The following KDM7A variants were observed in gnomAD, a reference collection of about 807,000 sequenced individuals.
KDM7A encodes lysine demethylase 7A, also known as lysine-specific demethylase 7A.
KDM7A carries 28 observed loss-of-function variants against 114.8 expected under a neutral mutation model. That is an observed-to-expected ratio of 0.24 (90% confidence interval 0.18 to 0.33). The LOEUF (loss-of-function observed/expected upper bound fraction) is 0.33, where lower values mean the gene tolerates loss of function less well. KDM7A is among the 10% of genes least tolerant of loss of function. KDM7A has a pLI of 1.00. For synonymous variants in KDM7A, 423 were observed against 397.8 expected (o/e 1.06, Z -0.75); for missense variants, 942 against 1,142.5 (o/e 0.82, Z 2.53).
Position 140,091,999 on chromosome 7 carries a change from C to T in KDM7A, c.2536G>A (p.Val846Met). The change falls in exon 19 of 20, where the codon GTG (valine) becomes ATG (methionine). Residue 846 changes from valine (V) to methionine (M), a missense_variant. By Grantham distance (21) the Val-to-Met change is conservative. This residue lies in a region of KDM7A where 512 missense variants were observed against 576.6 expected (regional missense o/e 0.89). Transcript: ENST00000397560. The stretch of plus-strand genomic sequence containing the variant: ...TGAAGGCTTGAGCCGCTGCTGTCCA[C>T]ATAATTCCTACTTTGTACCCTCTGA... ...ISQRVQSRNY[V>M]DSSGSSLQNG... The T allele has an allele frequency of 1.2e-6, 2 of 1,614,140 alleles. No homozygotes were observed. The highest frequency in any genetic ancestry group is 1.7e-6 in the Non-Finnish European group (2 of 1,179,994).
intron 1 of KDM7A, among the ~76,000 whole-genome samples, chr7:140,172,640 G>T (rs915672752): frequency 6.6e-6 from 1 of 151,156 alleles, no homozygotes; most frequent in Non-Finnish European, 1.5e-5. Flanking sequence ...GCGACAGAGC[G>T]AAACTCCGTC....
intron 17 of KDM7A, among the ~76,000 whole-genome samples, chr7:140,094,483 C>A (rs1818072225): frequency 6.6e-6 from 1 of 150,702 alleles, no homozygotes; most frequent in African/African-American, 2.4e-5. Context: ...CCAGCCTAGG[C>A]AACAGAGTGA....
intron 7 of KDM7A, 59 bp downstream of exon 7, chr7:140,124,562 A>C (rs530910612): frequency 1.3e-5 from 17 of 1,329,778 alleles, no homozygotes; most frequent in Admixed American, 4.9e-5. Flanking sequence ...GTTCTAGTTA[A>C]AAGCCAACTC....
chr7:140,089,426 TCTTCTTAGCAATTCAAGTGATA>T lies in KDM7A; in HGVS notation c.*1646_*1667del, dbSNP rs1249943803. On this transcript the variant is annotated 3_prime_UTR_variant, in exon 20 of 20. Coordinates refer to ENST00000397560, the MANE Select transcript of KDM7A (RefSeq NM_030647.2). Reference sequence around the variant, plus strand: ...TGAAAGATGATGGTACAGACTTTTTTCTTCTTAGCAATTCAAGTGATACTTAATAGAGAAGGGTAAGTCCTGC... The same window carrying T: ...TGAAAGATGATGGTACAGACTTTTTTCTTAATAGAGAAGGGTAAGTCCTGC... 6.6e-6 allele frequency: 1 copy of T among 152,200 alleles called. No homozygotes were observed. The highest frequency in any genetic ancestry group is 1.5e-5 in the Non-Finnish European group (1 of 68,036). 9.4% of individuals were successfully genotyped at this position (152,200 alleles called of 1,614,324 possible).
At chr7:140,146,010 C>T (rs747374844) in intron 1 of KDM7A, among the ~76,000 whole-genome samples, 33 of 152,266 alleles carry the variant, frequency 2.2e-4, no homozygotes, top group South Asian at 2.1e-4. Context: ...CTAGTGTCTA[C>T]TTGTCATCCC....
intron 1 of KDM7A, among the ~76,000 whole-genome samples, chr7:140,167,144 A>G (rs1318354340): frequency 1.3e-5 from 2 of 152,218 alleles, no homozygotes; most frequent in Non-Finnish European, 2.9e-5. Context: ...CTATTCTCAG[A>G]GAGAAGGACT....
chr7:140,148,955 T>C (rs2116833184), intron 1 of KDM7A, among the ~76,000 whole-genome samples: 1 of 152,326 alleles, frequency 6.6e-6, no homozygotes. Context: ...AAATGCATAC[T>C]CTGAACCAAA....
rs1327987432 is a variant in KDM7A, at chr7:140,086,410, T to C, written c.*4684A>G. On this transcript the variant is annotated 3_prime_UTR_variant, in exon 20 of 20. Coordinates refer to ENST00000397560, the MANE Select transcript of KDM7A (RefSeq NM_030647.2). ...AGTTAAAATGAGGAAAAAAATACTA[T>C]AGAAGAATAAAATCACAGTCACAAC... 6.6e-6 allele frequency: 1 copy of C among 152,166 alleles called. No individual in the cohort carries two copies. The highest frequency in any genetic ancestry group is 1.9e-4 in the East Asian group (1 of 5,200). The allele number at this position is 152,166 out of a possible 1,614,324, so 9.4% of individuals were successfully genotyped here. A position where few individuals can be genotyped will look rare whatever the true frequency, so the allele number is the denominator to read the frequency against.
chr7:140,091,744 CCA>C (rs1818024089), intron 19 of KDM7A, 58 bp downstream of exon 19: 1 of 1,568,964 alleles, frequency 6.4e-7, no homozygotes, highest in African/African-American at 1.4e-5. Context: ...ACCTCAACTG[CCA>C]TGATGACCAT....
intron 1 of KDM7A, among the ~76,000 whole-genome samples, chr7:140,165,109 T>C (rs1399233924): frequency 6.6e-6 from 1 of 152,216 alleles, no homozygotes; most frequent in Non-Finnish European, 1.5e-5. Context: ...AACCTCAGGA[T>C]ACTTTATATC....
chr7:140,170,475 C>G (rs1221428341), intron 1 of KDM7A, among the ~76,000 whole-genome samples: 2 of 152,232 alleles, frequency 1.3e-5, no homozygotes, highest in East Asian at 1.9e-4. Context: ...ACCCCCTTGA[C>G]AGCATGAGCA....
chr7:140,133,205 A>G (rs893926177), intron 3 of KDM7A, among the ~76,000 whole-genome samples: 8 of 152,228 alleles, frequency 5.3e-5, no homozygotes, highest in African/African-American at 1.4e-4. Context: ...TAGCAGCTGC[A>G]TATCATAAGG....
chr7:140,091,552 C>T (rs1218535304), intron 19 of KDM7A, among the ~76,000 whole-genome samples: 1 of 152,198 alleles, frequency 6.6e-6, no homozygotes, highest in Non-Finnish European at 1.5e-5. Context: ...GCTGTCTATT[C>T]TGTCACTTTC....
intron 10 of KDM7A, among the ~76,000 whole-genome samples, chr7:140,111,566 G>A (rs534732942): frequency 3.3e-4 from 51 of 152,266 alleles, no homozygotes; most frequent in Non-Finnish European, 6.5e-4. Context: ...AGACACTAAC[G>A]TAATCCTAAT....
At chr7:140,172,020 A>T (rs912659424) in intron 1 of KDM7A, among the ~76,000 whole-genome samples, 3 of 152,164 alleles carry the variant, frequency 2.0e-5, no homozygotes, top group African/African-American at 7.2e-5. Context: ...TTATCTACAG[A>T]TTAACAGTTT....
At chr7:140,144,520 G>A (rs2116827934) in intron 1 of KDM7A, among the ~76,000 whole-genome samples, 1 of 152,178 alleles carries the variant, frequency 6.6e-6, no homozygotes, top group Non-Finnish European at 1.5e-5. Context: ...TACAGTCTAA[G>A]GGCTTCTACT....
At chr7:140,119,898 T>C (rs1818591809) in intron 8 of KDM7A, among the ~76,000 whole-genome samples, 2 of 152,208 alleles carry the variant, frequency 1.3e-5, no homozygotes, top group South Asian at 4.1e-4. Context: ...CCAGTCCTGA[T>C]GCAGTTTATC....
In KDM7A at chr7:140,085,696, T is replaced by C. The variant is rs1817914363; in HGVS notation, c.*5398A>G. On this transcript the variant is annotated 3_prime_UTR_variant, in exon 20 of 20. Coordinates refer to ENST00000397560, the MANE Select transcript of KDM7A (RefSeq NM_030647.2). Reference sequence around the variant, plus strand: ...TTTGATTCAGTCTAACCATAAACTGTAAGGCCCTTAGTTTGGTTTAGGTTT... The same window carrying C: ...TTTGATTCAGTCTAACCATAAACTGCAAGGCCCTTAGTTTGGTTTAGGTTT... 1.3e-5 allele frequency: 2 copies of C among 152,212 alleles called. No homozygotes were observed. The highest frequency in any genetic ancestry group is 6.5e-5 in the Admixed American group (1 of 15,274). 9.4% of individuals were successfully genotyped at this position (152,212 alleles called of 1,614,324 possible).
rs1336752394 is a variant in KDM7A, at chr7:140,114,593, G to A, written c.1247-1011C>T. On this transcript the variant is annotated intron_variant, in intron 9 of 19. Transcript: ENST00000397560. ...GCAGCCTCTGCCCAGCCGCCACCCC[G>A]TCTGGGAAGTGAGGAGCGTCTCTGA... 1.5e-4 allele frequency among the ~76,000 whole-genome samples: 22 copies of A among 150,638 alleles called. 1 individual carries two copies. The East Asian group carries it at 2.9e-3, about 20-fold the overall frequency.
Sources: gnomAD v4.1 joint callset for allele counts (sites outside exome capture counted in the v4.1 genomes callset) on GRCh38, gnomAD v4.1.1 for gene constraint, gnomAD v4.1.1 regional missense constraint, MANE v1.5 for transcripts, NCBI Gene and HGNC (gene_info 2026-07-23, HGNC 2026-07-21) for gene names.